Variants in SIM1 observed in about 807,000 individuals in gnomAD.
SIM1 encodes the protein single-minded homolog 1.
SIM1 carries 18 observed loss-of-function variants against 78.2 expected under a neutral mutation model. The observed-to-expected ratio is 0.23, with a 90% CI of 0.16 to 0.34. The LOEUF (loss-of-function observed/expected upper bound fraction) is 0.34. Ranked by LOEUF, SIM1 falls within the 10% of genes least tolerant of loss-of-function variation. SIM1 has a pLI of 1.00. For synonymous variants in SIM1, 417 were observed against 385.2 expected (o/e 1.08, Z -0.97); for missense variants, 939 against 975.1 (o/e 0.96, Z 0.49).
intron 10 of SIM1, among the ~76,000 whole-genome samples, chr6:100,397,553 C>T (rs9376959): frequency 0.14 from 20,563 of 151,732 alleles, 1,894 homozygotes; most frequent in East Asian, 0.42. Flanking sequence ...AAATGCAAAA[C>T]CTAAGATTAT....
intron 7 of SIM1, 92 bp downstream of exon 7, chr6:100,448,387 A>C: frequency 2.1e-6 from 3 of 1,443,398 alleles, no homozygotes; most frequent in South Asian, 1.3e-5. Flanking sequence ...CTCATGTGCA[A>C]AATGGGCTCA....
In SIM1 at chr6:100,390,698, A is replaced by T; in HGVS notation, c.1964T>A (p.Leu655Gln). 6.2e-7 allele frequency: 1 copy of T among 1,614,122 alleles called. No homozygotes were observed. The change falls in exon 12 of 12, where the codon CTA (leucine) becomes CAA (glutamine). Residue 655 changes from leucine (L) to glutamine (Q), a missense_variant. Leu to Gln is a moderately radical substitution (Grantham distance 113, BLOSUM62 -2). Coordinates refer to ENST00000369208, the MANE Select transcript of SIM1 (RefSeq NM_005068.3). ...CGAATTGGGACTACTTATCCGAGATAGTGCGGTGGGACTGTTGTCATAGTC... is the reference window on the plus strand; with the variant it reads ...CGAATTGGGACTACTTATCCGAGATTGTGCGGTGGGACTGTTGTCATAGTC... ...ENDYDNSPTA[L>Q]SRISSPNSDR...
intron 2 of SIM1, among the ~76,000 whole-genome samples, chr6:100,456,146 T>G (rs1277358458): frequency 6.6e-6 from 1 of 152,078 alleles, no homozygotes; most frequent in Non-Finnish European, 1.5e-5. Context: ...GGGTTAATGT[T>G]TTATAAGGGA....
intron 9 of SIM1, among the ~76,000 whole-genome samples, chr6:100,440,956 G>T (rs1432084524): frequency 1.3e-5 from 2 of 151,822 alleles, no homozygotes; most frequent in Admixed American, 1.3e-4. Flanking sequence ...TTCAAGTAAA[G>T]CCTCCCTTGA....
chr6:100,463,246 C>A (rs751446458), intron 2 of SIM1, 48 bp downstream of exon 2: 11 of 1,531,096 alleles, frequency 7.2e-6, no homozygotes, highest in Non-Finnish European at 9.9e-6. Context: ...CCTGGCAAAT[C>A]CCCGGCCCCT....
chr6:100,391,017 A>C lies in SIM1; in HGVS notation c.1645T>G (p.Tyr549Asp). The change falls in exon 12 of 12, where the codon TAT (tyrosine) becomes GAT (aspartate). Residue 549 changes from tyrosine (Y) to aspartate (D), a missense_variant. This residue lies in a region of SIM1 where 556 missense variants were observed against 521.9 expected (regional missense o/e 1.07). Coordinates refer to ENST00000369208, the MANE Select transcript of SIM1 (RefSeq NM_005068.3). The stretch of plus-strand genomic sequence containing the variant: ...CTACTTTGATACTGCTCAGTACGAT[A>C]TCGGTCACCTGATTCACTGGCCGAC... ...PGSASESGDR[Y>D]RTEQYQSSPH... 3 of 1,614,154 alleles carry C rather than the reference A, an allele frequency of 1.9e-6. No individual in the cohort carries two copies. The highest frequency in any genetic ancestry group is 2.5e-6 in the Non-Finnish European group (3 of 1,180,018).
intron 2 of SIM1, among the ~76,000 whole-genome samples, chr6:100,459,775 G>A (rs1772787909): frequency 6.6e-6 from 1 of 152,208 alleles, no homozygotes; most frequent in Admixed American, 6.5e-5. Context: ...CTATAGATCA[G>A]AAAATATATC....
chr6:100,449,390 G>T lies in SIM1; in HGVS notation c.516C>A (p.Asn172Lys). ...LRMKCVLAKR[N>K]AGLTCGGYKV... The stretch of plus-strand genomic sequence containing the variant: ...TGTAGCCGCCACAGGTGAGGCCGGC[G>T]TTACGCTTGGCCAAGACGCACTTCA... The change falls in exon 6 of 12, where the codon AAC (asparagine) becomes AAA (lysine). Residue 172 changes from asparagine to lysine, a missense_variant. By Grantham distance (94) the Asn-to-Lys change is moderately conservative. Around this residue, in one of 5 missense-constraint regions of SIM1, gnomAD observed 187 missense variants for 191.6 expected, o/e 0.98. Coordinates refer to ENST00000369208, the MANE Select transcript of SIM1 (RefSeq NM_005068.3). The T allele has an allele frequency of 6.2e-7, 1 of 1,613,994 alleles. No individual in the cohort carries two copies. The highest frequency in any genetic ancestry group is 8.5e-7 in the Non-Finnish European group (1 of 1,179,940).
Position 100,393,657 on chromosome 6 carries a change from C to T in SIM1, c.1400G>A (p.Cys467Tyr). ...VEERHFHTQA[C>Y]EGGRCEAGRY... ...GCCTGCCTCACATCGGCCTCCTTCA[C>T]AGGCCTGGGTATGGAAATGCCTCTC... The change falls in exon 11 of 12, where the codon TGT becomes TAT. Residue 467 changes from cysteine to tyrosine, a missense_variant. Around this residue, in one of 5 missense-constraint regions of SIM1, gnomAD observed 556 missense variants for 521.9 expected, o/e 1.07. Coordinates refer to ENST00000369208, the MANE Select transcript of SIM1 (RefSeq NM_005068.3). 2 of 1,614,102 alleles carry T rather than the reference C, an allele frequency of 1.2e-6. No individual in the cohort carries two copies. The highest frequency in any genetic ancestry group is 8.5e-7 in the Non-Finnish European group (1 of 1,179,920).
intron 2 of SIM1, among the ~76,000 whole-genome samples, chr6:100,458,010 C>G (rs935567544): frequency 2.2e-4 from 1 of 4,502 alleles, no homozygotes; most frequent in African/African-American, 6.1e-4. Context: ...CTCTCTTTCT[C>G]TCTCTCTCTC....
chr6:100,404,852 G>C (rs1771016727), intron 10 of SIM1, among the ~76,000 whole-genome samples: 1 of 152,168 alleles, frequency 6.6e-6, no homozygotes, highest in East Asian at 1.9e-4. Flanking sequence ...TTGCTAATCT[G>C]AGAGGCTGAT....
At position 100,450,285 on chromosome 6, in the gene SIM1, G is replaced by T; in HGVS notation, c.330C>A (p.Val110=). Residue 110 remains valine (V), a synonymous_variant, in exon 4 of 12, where the codon GTC becomes GTA. Transcript: ENST00000369208. ...CACCTACCTGAGAAAGACCCAAGTGGACTGAGGCTGTCTCTGAGATGTACA... is the reference window on the plus strand; with the variant it reads ...CACCTACCTGAGAAAGACCCAAGTGTACTGAGGCTGTCTCTGAGATGTACA... ...KIMYISETAS[V]HLGLSQVELT... is the part of the protein sequence containing the mutation. 1 of 1,614,040 alleles carries T rather than the reference G, an allele frequency of 6.2e-7. No individual in the cohort carries two copies.
chr6:100,410,339 A>G (rs1771161594), intron 10 of SIM1, among the ~76,000 whole-genome samples: 1 of 152,234 alleles, frequency 6.6e-6, no homozygotes, highest in South Asian at 2.1e-4. Flanking sequence ...AAATTGCAGC[A>G]TCACTTCCAT....
rs1770577047 is a variant in SIM1 at position 100,389,260 on chromosome 6, C to A, written c.*1101G>T. 1 of 216,954 alleles carries A rather than the reference C, an allele frequency of 4.6e-6. No homozygotes were observed. The highest frequency in any genetic ancestry group is 9.0e-6 in the Non-Finnish European group (1 of 111,256). The allele number at this position is 216,954 out of a possible 1,614,324, so 13.4% of individuals were successfully genotyped here. On this transcript the variant is annotated 3_prime_UTR_variant, in exon 12 of 12. Transcript: ENST00000369208. Reference sequence around the variant, plus strand: ...TATTCCTTCAGAGTACTGCTCTTAGCTCTTAACTACTTGTCTATCAGCCTA... The same window carrying A: ...TATTCCTTCAGAGTACTGCTCTTAGATCTTAACTACTTGTCTATCAGCCTA...
At chr6:100,424,812 G>C in intron 9 of SIM1, among the ~76,000 whole-genome samples, 1 of 152,118 alleles carries the variant, frequency 6.6e-6, no homozygotes, top group Middle Eastern at 3.2e-3. Flanking sequence ...CATAGTAAAT[G>C]CTCAATAAAT....
chr6:100,458,889 C>G lies in SIM1; in HGVS notation c.175+4405G>C, dbSNP rs188268058. Among the ~76,000 whole-genome samples, 398 of 152,312 alleles carry G rather than the reference C, an allele frequency of 2.6e-3. 2 individuals carry two copies. Among genetic ancestry groups the G allele is most frequent in the African/African-American group, 8.7e-3 (362 of 41,576 alleles). On this transcript the variant is annotated intron_variant, in intron 2 of 11. Coordinates refer to ENST00000369208, the MANE Select transcript of SIM1 (RefSeq NM_005068.3). ...ACCATTCCTAAATAATTGAGGTTCC[C>G]CCTCCTCCACACAAAATTTTAAAAT...
At chr6:100,396,986 T>C (rs1272585915) in intron 10 of SIM1, among the ~76,000 whole-genome samples, 3 of 152,206 alleles carry the variant, frequency 2.0e-5, no homozygotes, top group African/African-American at 7.2e-5. Context: ...TTTGGTATCC[T>C]TTTTAGTTTT....
chr6:100,411,581 A>T (rs553224339), intron 10 of SIM1, among the ~76,000 whole-genome samples: 1 of 152,316 alleles, frequency 6.6e-6, no homozygotes, highest in Non-Finnish European at 1.5e-5. Flanking sequence ...CAATTAACAA[A>T]GTGTCCGCAC....
rs1368723523 is a variant in SIM1 at position 100,389,514 on chromosome 6, T to C, written c.*847A>G. On this transcript the variant is annotated 3_prime_UTR_variant, in exon 12 of 12. Coordinates refer to ENST00000369208, the MANE Select transcript of SIM1 (RefSeq NM_005068.3). ...TATGTTGTTTACTTATGCTGAGCCCTTAAATTGTGTTAAACTTTGAGATAG... is the reference window on the plus strand; with the variant it reads ...TATGTTGTTTACTTATGCTGAGCCCCTAAATTGTGTTAAACTTTGAGATAG... 8.3e-5 allele frequency: 33 copies of C among 397,864 alleles called. No homozygotes were observed. Among genetic ancestry groups the C allele is most frequent in the Non-Finnish European group, 8.9e-6 (2 of 225,702 alleles). 24.6% of individuals were successfully genotyped at this position (397,864 alleles called of 1,614,324 possible). A position where few individuals can be genotyped will look rare whatever the true frequency, so the allele number is the denominator to read the frequency against.
Sources: allele counts gnomAD v4.1 joint callset (sites outside exome capture counted in the v4.1 genomes callset), GRCh38; gene constraint gnomAD v4.1.1; regional missense constraint gnomAD v4.1.1; transcripts MANE v1.5; gene names NCBI Gene and HGNC (gene_info 2026-07-23, HGNC 2026-07-21).